Variants in HABP2 observed in about 807,000 individuals in gnomAD.
HABP2 encodes hyaluronan binding protein 2, also known as factor VII-activating protease.
A neutral mutation model predicts 66.5 loss-of-function variants in HABP2; 65 were observed. The observed-to-expected ratio is 0.98, with a 90% CI of 0.80 to 1.20. The LOEUF (loss-of-function observed/expected upper bound fraction) is 1.20, where lower values mean the gene tolerates loss of function less well. Ranked by LOEUF, HABP2 falls within the 50% of genes most tolerant of loss-of-function variation. The probability of loss-of-function intolerance (pLI) is 0.00; values close to 1 mark genes in which losing one functional copy is unlikely to be tolerated. For synonymous variants in HABP2, 263 were observed against 253.9 expected (o/e 1.04, Z -0.34); for missense variants, 786 against 691.0 (o/e 1.14, Z -1.54).
chr10:113,560,059 CTG>C (rs2133745314), intron 1 of HABP2, among the ~76,000 whole-genome samples: 1 of 152,358 alleles, frequency 6.6e-6, no homozygotes, highest in East Asian at 1.9e-4. Context: ...TGGCTCATCA[CTG>C]TGGTCTGGTG....
chr10:113,554,607 C>T (rs1181620045), intron 1 of HABP2, among the ~76,000 whole-genome samples: 1 of 152,136 alleles, frequency 6.6e-6, no homozygotes, highest in Non-Finnish European at 1.5e-5. Context: ...GAGGCCGAGA[C>T]ACAGCAGAAA....
At position 113,576,628 on chromosome 10, in the gene HABP2, C is replaced by T. The variant is rs993036134; in HGVS notation, c.332-522C>T. Among the ~76,000 whole-genome samples, 4 of 152,206 alleles carry T rather than the reference C, an allele frequency of 2.6e-5. 1 individual carries two copies. The highest frequency in any genetic ancestry group is 1.3e-4 in the Admixed American group (2 of 15,290). On this transcript the variant is annotated intron_variant, in intron 4 of 12. Coordinates refer to ENST00000351270, the MANE Select transcript of HABP2 (RefSeq NM_004132.5). ...AGCTGTATTCGGGCTGCTCTAGCAACCATCTTACTTCGTGGAGGGAAGTGG... is the reference window on the plus strand; with the variant it reads ...AGCTGTATTCGGGCTGCTCTAGCAATCATCTTACTTCGTGGAGGGAAGTGG...
At chr10:113,577,980 C>A (rs1299335020) in intron 5 of HABP2, 46 bp from the exon 6 acceptor site, 2 of 1,603,970 alleles carry the variant, frequency 1.2e-6, no homozygotes, top group Non-Finnish European at 8.5e-7. Flanking sequence ...ACATGGGCTG[C>A]AACTCCTTCT....
In HABP2 at chr10:113,578,093, C is replaced by G. The variant is rs956367134; in HGVS notation, c.516C>G (p.Ser172=). ...GATCSRHKRR[S]KFTCACPDQF... is the part of the protein sequence containing the mutation. Reference sequence around the variant, plus strand: ...CCTGCTCCCGGCATAAGCGGAGATCCAAGTTCACCTGTGCCTGTCCCGACC... The same window carrying G: ...CCTGCTCCCGGCATAAGCGGAGATCGAAGTTCACCTGTGCCTGTCCCGACC... Residue 172 remains serine (S), a synonymous_variant, in exon 6 of 13, where the codon TCC becomes TCG. Transcript: ENST00000351270. 2 of 1,614,164 alleles carry G rather than the reference C, an allele frequency of 1.2e-6. No homozygotes were observed. The highest frequency in any genetic ancestry group is 8.5e-7 in the Non-Finnish European group (1 of 1,179,996).
At chr10:113,569,959 C>A in intron 2 of HABP2, 1 of 152,236 alleles carries the variant, frequency 6.6e-6, no homozygotes, top group Admixed American at 6.5e-5. Context: ...AAGCTCCCAT[C>A]GCAGGAACTC....
intron 3 of HABP2, 64 bp downstream of exon 3, chr10:113,574,469 C>T (rs987216370): frequency 6.3e-6 from 5 of 794,224 alleles, no homozygotes; most frequent in Non-Finnish European, 1.1e-5. Flanking sequence ...GTATGTGGGA[C>T]CACATGCAAG....
Position 113,588,574 on chromosome 10 carries a change from G to A in HABP2, c.*205G>A. Reference sequence around the variant, plus strand: ...CACCAGGCTTCTTCTGCCTCCCTTGGTAACCCAAGGAATGATGGAATCAAC... The same window carrying A: ...CACCAGGCTTCTTCTGCCTCCCTTGATAACCCAAGGAATGATGGAATCAAC... On this transcript the variant is annotated 3_prime_UTR_variant, in exon 13 of 13. Coordinates refer to ENST00000351270, the MANE Select transcript of HABP2 (RefSeq NM_004132.5). 1.8e-6 allele frequency: 1 copy of A among 542,418 alleles called. No homozygotes were observed. 33.6% of individuals were successfully genotyped at this position (542,418 alleles called of 1,614,324 possible). A position where few individuals can be genotyped will look rare whatever the true frequency, so the allele number is the denominator to read the frequency against.
intron 6 of HABP2, 64 bp from the exon 7 acceptor site, chr10:113,578,562 AG>A: frequency 9.0e-7 from 1 of 1,115,632 alleles, no homozygotes; most frequent in Non-Finnish European, 1.3e-6. Flanking sequence ...ATACCCACCA[AG>A]CCCTTTTTGG....
At chr10:113,569,269 A>T (rs1010697005) in intron 2 of HABP2, among the ~76,000 whole-genome samples, 3 of 152,214 alleles carry the variant, frequency 2.0e-5, no homozygotes, top group African/African-American at 7.2e-5. Flanking sequence ...GGGACCCTGA[A>T]GCAGACTTCT....
intron 1 of HABP2, 58 bp downstream of exon 1, chr10:113,553,248 C>T (rs1029397959): frequency 1.6e-6 from 2 of 1,251,176 alleles, no homozygotes; most frequent in African/African-American, 2.9e-5. Flanking sequence ...CTAGGAGGAC[C>T]AAGCTAGGCT....
chr10:113,551,527 C>G (rs541149106), upstream of HABP2, among the ~76,000 whole-genome samples: 111 of 152,218 alleles, frequency 7.3e-4, no homozygotes, highest in Non-Finnish European at 1.5e-3. Flanking sequence ...GGACTACAGC[C>G]AGGCGCAGTG....
rs545092716 is a variant in HABP2, at chr10:113,580,303, C to T, written c.741-292C>T. On this transcript the variant is annotated intron_variant, in intron 7 of 12. Transcript: ENST00000351270. Reference sequence around the variant, plus strand: ...TCTCCTGATATAGAAAGGTCTTCATCAGGGATCTCATTTCTTTTCCTACAA... The same window carrying T: ...TCTCCTGATATAGAAAGGTCTTCATTAGGGATCTCATTTCTTTTCCTACAA... 2.6e-5 allele frequency among the ~76,000 whole-genome samples: 4 copies of T among 152,300 alleles called. No homozygotes were observed. In the South Asian group the frequency reaches 6.2e-4, roughly 24 times the overall value.
Position 113,581,736 on chromosome 10 carries a change from C to G in HABP2, c.839-140C>G, listed in dbSNP as rs186169661. 3.6e-5 allele frequency: 27 copies of G among 759,284 alleles called. No individual in the cohort carries two copies. The Admixed American group carries it at 3.9e-4, about 11-fold the overall frequency. 47.0% of individuals were successfully genotyped at this position (759,284 alleles called of 1,614,324 possible). On this transcript the variant is annotated intron_variant, in intron 8 of 12. Transcript: ENST00000351270. ...ATCAACTGTGCACCTACTGCATGCC[C>G]ACCCTGTCTGCACCAGTGCAGTCTC...
intron 1 of HABP2, among the ~76,000 whole-genome samples, chr10:113,558,677 A>C (rs575235081): frequency 1.3e-5 from 2 of 152,356 alleles, no homozygotes; most frequent in African/African-American, 2.4e-5. Flanking sequence ...TGCCACGGAA[A>C]GCGCAGGAGT....
chr10:113,564,905 G>T (rs1189232682), intron 1 of HABP2, among the ~76,000 whole-genome samples: 1 of 151,822 alleles, frequency 6.6e-6, no homozygotes, highest in Non-Finnish European at 1.5e-5. Flanking sequence ...GGAGTGCAGT[G>T]GCACAATCTT....
intron 3 of HABP2, among the ~76,000 whole-genome samples, chr10:113,575,357 T>A (rs950496643): frequency 5.3e-5 from 8 of 152,220 alleles, no homozygotes; most frequent in Non-Finnish European, 1.2e-4. Flanking sequence ...TGAAGAAAGA[T>A]GAAGGCCACT....
chr10:113,588,089 C>G, intron 12 of HABP2, 116 bp from the exon 13 acceptor site: 2 of 717,886 alleles, frequency 2.8e-6, no homozygotes, highest in Admixed American at 5.8e-5. Context: ...GAGAAGCCCA[C>G]GGAGGCTGGC....
rs1303034637 is a variant in HABP2, at chr10:113,583,441, G to T, written c.1237+83G>T. The T allele has an allele frequency of 1.2e-5, 15 of 1,251,212 alleles. No individual in the cohort carries two copies. The East Asian group carries it at 3.0e-4, about 25-fold the overall frequency. 77.5% of individuals were successfully genotyped at this position (1,251,212 alleles called of 1,614,324 possible). On this transcript the variant is annotated intron_variant, in intron 10 of 12. Transcript: ENST00000351270. ...ACCAGAAAGCTGAAGTTTGGTTCTA[G>T]AAGGTGCTCTTGATTGTTTTTGGTC...
intron 1 of HABP2, among the ~76,000 whole-genome samples, chr10:113,563,911 A>AAAG (rs1278878151): frequency 6.6e-6 from 1 of 152,186 alleles, no homozygotes; most frequent in African/African-American, 2.4e-5. Context: ...GGCAGGGAGC[A>AAAG]AAGACCAGGA....
Sources: allele counts gnomAD v4.1 joint callset (sites outside exome capture counted in the v4.1 genomes callset), GRCh38; gene constraint gnomAD v4.1.1; transcripts MANE v1.5; gene names NCBI Gene and HGNC (gene_info 2026-07-23, HGNC 2026-07-21).